LIPG: variants seen among roughly 807,000 people sequenced by gnomAD.
LIPG encodes endothelial lipase.
LIPG carries 34 observed loss-of-function variants against 51.8 expected under a neutral mutation model. That is an observed-to-expected ratio of 0.66 (90% CI 0.50 to 0.87). The LOEUF (loss-of-function observed/expected upper bound fraction) is 0.87, where lower values mean the gene tolerates loss of function less well. Ranked by LOEUF, LIPG falls within the 40% of genes least tolerant of loss-of-function variation. LIPG has a pLI of 0.00. For missense variants in LIPG, 580 were observed against 652.7 expected (o/e 0.89, Z 1.21); for synonymous variants, 246 against 246.1 (o/e 1.00, Z 0.00).
intron 4 of LIPG, among the ~76,000 whole-genome samples, chr18:49,569,923 C>T (rs894119784): frequency 1.3e-5 from 2 of 152,182 alleles, no homozygotes; most frequent in Non-Finnish European, 2.9e-5. Flanking sequence ...GAAACAAACA[C>T]GGAGAGGTGA....
Position 49,575,458 on chromosome 18 carries a change from A to C in LIPG, c.661A>C (p.Thr221Pro). 3 of 1,614,146 alleles carry C rather than the reference A, an allele frequency of 1.9e-6. No homozygotes were observed. Among genetic ancestry groups the C allele is most frequent in the Non-Finnish European group, 2.5e-6 (3 of 1,180,040 alleles). ...TGCAGATTTTGTGGATGTCCTCCAC[A>C]CCTACACGCGTTCCTTCGGCTTGAG... is the stretch of plus-strand genomic sequence containing the variant. ...DDADFVDVLH[T>P]YTRSFGLSIG... Residue 221 changes from threonine to proline, a missense_variant, in exon 5 of 10, where the codon ACC becomes CCC. Thr to Pro is a conservative substitution (Grantham distance 38). Transcript: ENST00000261292.
chr18:49,567,619 C>G lies in LIPG; in HGVS notation c.457C>G (p.Gln153Glu). Reference protein sequence around the residue: ...HSIARMLDWLQEKDDFSLGNV... With the variant: ...HSIARMLDWLEEKDDFSLGNV... Reference sequence around the variant, plus strand: ...CATTGCCAGGATGCTCGACTGGCTGCAGGTACTGGGGGATGAGAGGGAGTC... The same window carrying G: ...CATTGCCAGGATGCTCGACTGGCTGGAGGTACTGGGGGATGAGAGGGAGTC... Residue 153 changes from glutamine to glutamate, a missense_variant and splice_region_variant, in exon 3 of 10, where the codon CAG (glutamine) becomes GAG (glutamate). Gln to Glu is a conservative substitution (Grantham distance 29, BLOSUM62 2). Coordinates refer to ENST00000261292, the MANE Select transcript of LIPG (RefSeq NM_006033.4). The G allele has an allele frequency of 6.2e-7, 1 of 1,613,798 alleles. No individual in the cohort carries two copies.
In LIPG at chr18:49,565,968, G is replaced by A. The variant is rs60567901; in HGVS notation, c.279+470G>A. On this transcript the variant is annotated intron_variant, in intron 2 of 9. Coordinates refer to ENST00000261292, the MANE Select transcript of LIPG (RefSeq NM_006033.4). ...GATAGCCCCGTTTAAAGGCACTGGG[G>A]CTCTTTATGTGCCCTAGCTGAGCAA... Among the ~76,000 whole-genome samples the A allele has an allele frequency of 3.2e-3, 495 of 152,320 alleles. 1 individual carries two copies. Among genetic ancestry groups the A allele is most frequent in the Middle Eastern group, 0.027 (8 of 294 alleles).
intron 5 of LIPG, among the ~76,000 whole-genome samples, chr18:49,579,734 G>A (rs1003174601): frequency 6.0e-5 from 8 of 132,858 alleles, no homozygotes; most frequent in African/African-American, 2.4e-4. Flanking sequence ...AATATAGGAT[G>A]ATGGCCTTTC....
rs143580188 is a variant in LIPG, at chr18:49,576,783, T to C, written c.793+1193T>C. Reference sequence around the variant, plus strand: ...ACTGCACCCAGCCAGAAGCTTGCTATGTTGCCCAAGCTGGAGTGCAGTGGC... The same window carrying C: ...ACTGCACCCAGCCAGAAGCTTGCTACGTTGCCCAAGCTGGAGTGCAGTGGC... On this transcript the variant is annotated intron_variant, in intron 5 of 9. Coordinates refer to ENST00000261292, the MANE Select transcript of LIPG (RefSeq NM_006033.4). Among the ~76,000 whole-genome samples the C allele has an allele frequency of 2.2e-3, 328 of 152,218 alleles. 6 individuals carry two copies. In the East Asian group the frequency reaches 0.044, roughly 20 times the overall value.
chr18:49,574,783 A>G (rs2084698345), intron 4 of LIPG, among the ~76,000 whole-genome samples: 1 of 152,156 alleles, frequency 6.6e-6, no homozygotes, highest in African/African-American at 2.4e-5. Flanking sequence ...GGCCTGATGT[A>G]TGGATTCTCA....
intron 7 of LIPG, among the ~76,000 whole-genome samples, chr18:49,583,109 C>T (rs1213096489): frequency 6.6e-6 from 1 of 152,152 alleles, no homozygotes; most frequent in Non-Finnish European, 1.5e-5. Context: ...AGATGCCTGT[C>T]TGTGGGATGG....
intron 3 of LIPG, among the ~76,000 whole-genome samples, chr18:49,568,519 T>C (rs191553038): frequency 1.3e-5 from 2 of 152,236 alleles, no homozygotes; most frequent in Admixed American, 1.3e-4. Context: ...TAGCTGGTTT[T>C]ACAGGTGTGA....
Position 49,562,224 on chromosome 18 carries a change from A to T in LIPG, c.-85A>T. 1.2e-6 allele frequency: 2 copies of T among 1,603,802 alleles called. No individual in the cohort carries two copies. Among genetic ancestry groups the T allele is most frequent in the Admixed American group, 3.4e-5 (2 of 59,552 alleles). On this transcript the variant is annotated 5_prime_UTR_variant, in exon 1 of 10. Transcript: ENST00000261292. Reference sequence around the variant, plus strand: ...AGCCCCTGGCCGAGAGAAGGGTCTTACCGGCCGGGATTGCTGGAAACACCA... The same window carrying T: ...AGCCCCTGGCCGAGAGAAGGGTCTTTCCGGCCGGGATTGCTGGAAACACCA...
At position 49,578,507 on chromosome 18, in the gene LIPG, C is replaced by T. The variant is rs1481635566; in HGVS notation, c.794-2908C>T. On this transcript the variant is annotated intron_variant, in intron 5 of 9. Coordinates refer to ENST00000261292, the MANE Select transcript of LIPG (RefSeq NM_006033.4). Reference sequence around the variant, plus strand: ...GCTCCTCACTTCCTAGATGGGATGGCGGCCGGGCGGAGACGCTCCTCACTT... The same window carrying T: ...GCTCCTCACTTCCTAGATGGGATGGTGGCCGGGCGGAGACGCTCCTCACTT... Among the ~76,000 whole-genome samples, 14 of 142,960 alleles carry T rather than the reference C, an allele frequency of 9.8e-5. No homozygotes were observed. In the South Asian group the frequency reaches 2.2e-3, roughly 22 times the overall value. The allele number at this position is 142,960 out of a possible 152,430, so 93.8% of individuals were successfully genotyped here.
chr18:49,574,453 T>C (rs2084694271), intron 4 of LIPG, among the ~76,000 whole-genome samples: 1 of 152,224 alleles, frequency 6.6e-6, no homozygotes, highest in Non-Finnish European at 1.5e-5. Flanking sequence ...CATTTTATAC[T>C]TTGCAAGTTC....
At position 49,565,405 on chromosome 18, in the gene LIPG, A is replaced by G; in HGVS notation, c.186A>G (p.Glu62=). 2.5e-6 allele frequency: 4 copies of G among 1,614,214 alleles called. No individual in the cohort carries two copies. Among genetic ancestry groups the G allele is most frequent in the Non-Finnish European group, 3.4e-6 (4 of 1,180,028 alleles). Residue 62 remains glutamate (E), a synonymous_variant, in exon 2 of 10, where the codon GAA becomes GAG. Coordinates refer to ENST00000261292, the MANE Select transcript of LIPG (RefSeq NM_006033.4). The part of the protein sequence containing the change: ...NLRTSKDPEH[E]GCYLSVGHSQ... The stretch of plus-strand genomic sequence containing the variant: ...GCACCTCCAAGGACCCAGAGCATGA[A>G]GGATGCTACCTCTCCGTCGGCCACA...
rs575822594 is a variant in LIPG, at chr18:49,574,772, A to G, written c.572-597A>G. On this transcript the variant is annotated intron_variant, in intron 4 of 9. Coordinates refer to ENST00000261292, the MANE Select transcript of LIPG (RefSeq NM_006033.4). ...TGGCTGCAAAATAGAGGAATTCTGG[A>G]GGCCTGATGTATGGATTCTCAGTGT... Among the ~76,000 whole-genome samples, 9 of 152,334 alleles carry G rather than the reference A, an allele frequency of 5.9e-5. No individual in the cohort carries two copies. In the South Asian group the frequency reaches 1.9e-3, roughly 32 times the overall value.
chr18:49,592,941 T>TA lies in LIPG; in HGVS notation c.*2419_*2420insA. ...ACAACTCAATTTTTTTTTTTTTTTT[T>TA]TTTTTTTTTGAGACAGAGCCTCTCT... On this transcript the variant is annotated 3_prime_UTR_variant, in exon 10 of 10. Coordinates refer to ENST00000261292, the MANE Select transcript of LIPG (RefSeq NM_006033.4). 1 of 144,698 alleles carries TA rather than the reference T, an allele frequency of 6.9e-6. No individual in the cohort carries two copies. Among genetic ancestry groups the TA allele is most frequent in the Admixed American group, 6.9e-5 (1 of 14,580 alleles). The allele number at this position is 144,698 out of a possible 1,614,324, so 9.0% of individuals were successfully genotyped here.
chr18:49,583,470 G>T, intron 7 of LIPG, 86 bp from the exon 8 acceptor site: 1 of 1,057,956 alleles, frequency 9.5e-7, no homozygotes, highest in South Asian at 1.3e-5. Flanking sequence ...TCTGTGTGGG[G>T]TTGTTACTGC....
chr18:49,591,047 G>A lies in LIPG; in HGVS notation c.*525G>A, dbSNP rs547687709. ...GGGTTGCACTGACCATACTGCTTAC[G>A]TCTTAGCCATTCCGTCCTGCTCCCC... On this transcript the variant is annotated 3_prime_UTR_variant, in exon 10 of 10. Coordinates refer to ENST00000261292, the MANE Select transcript of LIPG (RefSeq NM_006033.4). 1.3e-4 allele frequency: 25 copies of A among 198,462 alleles called. No homozygotes were observed. The highest frequency in any genetic ancestry group is 4.8e-4 in the African/African-American group (21 of 43,580). 12.3% of individuals were successfully genotyped at this position (198,462 alleles called of 1,614,324 possible).
intron 5 of LIPG, among the ~76,000 whole-genome samples, chr18:49,579,188 G>C (rs1430192635): frequency 4.9e-4 from 2 of 4,076 alleles, no homozygotes; most frequent in East Asian, 5.6e-3. Flanking sequence ...GAGAGGGAGA[G>C]GGAGAGGGAG....
rs35844272 is a variant in LIPG at position 49,590,083 on chromosome 18, C to T, written c.1482-418C>T. ...GGTCTCCTAACTCTCAGTCTTGCCC[C>T]CTTTCTGCCAATACAGTGTCTCTCT... On this transcript the variant is annotated intron_variant, in intron 9 of 9. Coordinates refer to ENST00000261292, the MANE Select transcript of LIPG (RefSeq NM_006033.4). 2.5e-4 allele frequency: 81 copies of T among 320,528 alleles called. No individual in the cohort carries two copies. In the East Asian group the frequency reaches 5.5e-3, roughly 22 times the overall value. The allele number at this position is 320,528 out of a possible 1,614,324, so 19.9% of individuals were successfully genotyped here.
rs76126694 is a variant in LIPG, at chr18:49,566,967, G to A, written c.280-475G>A. On this transcript the variant is annotated intron_variant, in intron 2 of 9. Transcript: ENST00000261292. Reference sequence around the variant, plus strand: ...GGAGCAATGGAAGACAAATACCTGCGTAGTGATTCTGCCTGTGCTGGTCCT... The same window carrying A: ...GGAGCAATGGAAGACAAATACCTGCATAGTGATTCTGCCTGTGCTGGTCCT... Among the ~76,000 whole-genome samples the A allele has an allele frequency of 5.0e-3, 767 of 152,342 alleles. 9 individuals carry two copies. Among genetic ancestry groups the A allele is most frequent in the African/African-American group, 0.017 (727 of 41,576 alleles).
Sources: gnomAD v4.1 joint callset for allele counts (sites outside exome capture counted in the v4.1 genomes callset) on GRCh38, gnomAD v4.1.1 for gene constraint, MANE v1.5 for transcripts, NCBI Gene and HGNC (gene_info 2026-07-23, HGNC 2026-07-21) for gene names.